Variants in BTBD9 observed in about 807,000 individuals in gnomAD.
BTBD9 encodes the protein BTB domain containing 9.
BTBD9 carries 49 observed loss-of-function variants against 64.3 expected under a neutral mutation model. That is an observed-to-expected ratio of 0.76 (90% CI 0.61 to 0.97). The LOEUF is 0.97. BTBD9 is among the 50% of genes least tolerant of loss of function. The pLI, the probability that BTBD9 is intolerant of heterozygous loss-of-function variation, is 0.00. For synonymous variants in BTBD9, 260 were observed against 274.7 expected, an observed-to-expected ratio of 0.95 and a Z score of 0.53; for missense variants, 598 against 762.1, an observed-to-expected ratio of 0.78 and a Z score of 2.53.
intron 6 of BTBD9, among the ~76,000 whole-genome samples, chr6:38,444,838 G>T (rs1283897619): frequency 6.6e-6 from 1 of 152,126 alleles, no homozygotes; most frequent in Non-Finnish European, 1.5e-5. Context: ...AAAGCTACTT[G>T]CCCCCATGGT....
intron 6 of BTBD9, among the ~76,000 whole-genome samples, chr6:38,468,799 A>G (rs1582480114): frequency 6.6e-6 from 1 of 152,174 alleles, no homozygotes; most frequent in Non-Finnish European, 1.5e-5. Context: ...AGAATATAAA[A>G]CTTTCTTAAT....
At chr6:38,497,476 G>C (rs955233015) in intron 6 of BTBD9, among the ~76,000 whole-genome samples, 1 of 152,052 alleles carries the variant, frequency 6.6e-6, no homozygotes, top group Non-Finnish European at 1.5e-5. Context: ...CATTAGAACG[G>C]GCTAGCTCTT....
In BTBD9 at chr6:38,619,554, A is replaced by G. The variant is rs1582727647; in HGVS notation, c.-28+20246T>C. Among the ~76,000 whole-genome samples, 6 of 152,190 alleles carry G rather than the reference A, an allele frequency of 3.9e-5. 1 individual carries two copies. In the South Asian group the frequency reaches 1.2e-3, roughly 32 times the overall value. ...TGGAAGGCACACTGCCCCAGAGGACAAAGGTTCTCTGGGCCAGAAGCCCCC... is the reference window on the plus strand; with the variant it reads ...TGGAAGGCACACTGCCCCAGAGGACGAAGGTTCTCTGGGCCAGAAGCCCCC... On this transcript the variant is annotated intron_variant, in intron 1 of 10. Transcript: ENST00000481247.
At chr6:38,301,376 A>G (rs955514659) in intron 7 of BTBD9, among the ~76,000 whole-genome samples, 7 of 152,222 alleles carry the variant, frequency 4.6e-5, no homozygotes, top group African/African-American at 1.7e-4. Flanking sequence ...TGGCCTCATA[A>G]AATGAGTTAG....
chr6:38,440,477 T>C (rs1025992318), intron 6 of BTBD9, among the ~76,000 whole-genome samples: 3 of 152,192 alleles, frequency 2.0e-5, no homozygotes, highest in Admixed American at 6.5e-5. Context: ...ATTGGTGACC[T>C]TGACAACGGC....
chr6:38,424,780 G>A (rs1022150157), intron 6 of BTBD9, among the ~76,000 whole-genome samples: 1 of 151,814 alleles, frequency 6.6e-6, no homozygotes, highest in African/African-American at 2.4e-5. Flanking sequence ...GCCTCCCAAA[G>A]GCCTGGGATT....
intron 6 of BTBD9, among the ~76,000 whole-genome samples, chr6:38,488,510 C>T (rs1005984398): frequency 3.3e-5 from 5 of 152,148 alleles, no homozygotes; most frequent in Admixed American, 6.5e-5. Flanking sequence ...CTTCAGGCTG[C>T]GATGTGTCGG....
chr6:38,169,907 A>AAG lies in BTBD9; in HGVS notation c.*5077_*5078insCT, dbSNP rs1766685119. ...GGACTATTTCAGTTCTTTAAAAAAA[A>AAG]GAAGACACGAAGCTGATGGGGCAGG... is the stretch of plus-strand genomic sequence containing the variant. On this transcript the variant is annotated 3_prime_UTR_variant, in exon 11 of 11. Transcript: ENST00000481247. The AAG allele has an allele frequency of 6.6e-6, 1 of 150,848 alleles. No homozygotes were observed. Among genetic ancestry groups the AAG allele is most frequent in the Non-Finnish European group, 1.5e-5 (1 of 67,510 alleles). The allele number at this position is 150,848 out of a possible 1,614,324, so 9.3% of individuals were successfully genotyped here. A position where few individuals can be genotyped will look rare whatever the true frequency, so the allele number is the denominator to read the frequency against.
At chr6:38,587,666 G>T in intron 4 of BTBD9, 1 of 612,044 alleles carries the variant, frequency 1.6e-6, no homozygotes, top group South Asian at 1.5e-5. Context: ...ACAGAACTTT[G>T]AAATAAAGTG....
At chr6:38,470,827 C>T (rs901419362) in intron 6 of BTBD9, among the ~76,000 whole-genome samples, 2 of 152,236 alleles carry the variant, frequency 1.3e-5, no homozygotes. Context: ...CTCAGTCCAA[C>T]AGGCCAAGCA....
chr6:38,459,675 A>T (rs1201235522), intron 6 of BTBD9, among the ~76,000 whole-genome samples: 5 of 152,146 alleles, frequency 3.3e-5, no homozygotes, highest in Non-Finnish European at 7.4e-5. Flanking sequence ...AGTTACTGAG[A>T]TTTTGTTTTT....
At chr6:38,215,558 T>C (rs547935985) in intron 9 of BTBD9, among the ~76,000 whole-genome samples, 38 of 152,340 alleles carry the variant, frequency 2.5e-4, no homozygotes, top group Non-Finnish European at 4.4e-4. Context: ...GATTGTCAAA[T>C]AGAGCTGTTG....
chr6:38,483,189 G>A (rs1420316484), intron 6 of BTBD9, among the ~76,000 whole-genome samples: 2 of 151,524 alleles, frequency 1.3e-5, no homozygotes, highest in Non-Finnish European at 2.9e-5. Context: ...TACATGTATT[G>A]CTACCCCTAT....
intron 1 of BTBD9, among the ~76,000 whole-genome samples, chr6:38,630,619 T>C (rs1006426425): frequency 2.0e-5 from 3 of 152,232 alleles, no homozygotes; most frequent in Non-Finnish European, 4.4e-5. Context: ...TTTTCCTGTA[T>C]GTCTAAAATT....
At chr6:38,472,516 T>TC (rs551146960) in intron 6 of BTBD9, among the ~76,000 whole-genome samples, 86 of 152,256 alleles carry the variant, frequency 5.6e-4, no homozygotes, top group Non-Finnish European at 9.3e-4. Context: ...GATTCCTTGG[T>TC]CTTTTATATA....
At chr6:38,341,454 A>G (rs1271588960) in intron 7 of BTBD9, among the ~76,000 whole-genome samples, 1 of 152,252 alleles carries the variant, frequency 6.6e-6, no homozygotes. Flanking sequence ...TTAGCTGTGA[A>G]TTGATAATTT....
Position 38,577,728 on chromosome 6 carries a change from C to G in BTBD9, c.1035-9G>C. 1 of 1,596,900 alleles carries G rather than the reference C, an allele frequency of 6.3e-7. No homozygotes were observed. Among genetic ancestry groups the G allele is most frequent in the Non-Finnish European group, 8.5e-7 (1 of 1,176,620 alleles). ...TGAAGTATGAGTAAGACCTGTGAAT[C>G]AAAAGGAAAAAGCAGAAAAAAATTA... is the stretch of plus-strand genomic sequence containing the variant. On this transcript the variant is annotated splice_polypyrimidine_tract_variant and intron_variant, in intron 5 of 10. Coordinates refer to ENST00000481247, the MANE Select transcript of BTBD9 (RefSeq NM_001099272.2).
At chr6:38,535,353 A>C (rs1773978229) in intron 6 of BTBD9, among the ~76,000 whole-genome samples, 3 of 152,180 alleles carry the variant, frequency 2.0e-5, no homozygotes, top group Admixed American at 6.5e-5. Flanking sequence ...AAGAAATTGA[A>C]GAGGACACAA....
intron 6 of BTBD9, among the ~76,000 whole-genome samples, chr6:38,531,050 T>G (rs977278994): frequency 2.6e-5 from 4 of 152,024 alleles, no homozygotes; most frequent in Non-Finnish European, 5.9e-5. Flanking sequence ...GGTAGAAAAT[T>G]TATTCAAAGT....
Sources: gnomAD v4.1 joint callset for allele counts (sites outside exome capture counted in the v4.1 genomes callset) on GRCh38, gnomAD v4.1.1 for gene constraint, MANE v1.5 for transcripts, NCBI Gene and HGNC (gene_info 2026-07-23, HGNC 2026-07-21) for gene names.